Variants in RBMS2 observed in about 807,000 individuals in gnomAD.
The protein encoded by RBMS2 is RNA binding motif single stranded interacting protein 2, also known as RNA-binding motif, single-stranded-interacting protein 2.
Under a neutral mutation model 58.4 loss-of-function variants are expected in RBMS2, and 38 were observed. That is an observed-to-expected ratio of 0.65 (90% CI 0.50 to 0.85). RBMS2 has a LOEUF of 0.85. RBMS2 is among the 40% of genes least tolerant of loss of function. The probability of loss-of-function intolerance (pLI) is 0.00; values close to 1 mark genes in which losing one functional copy is unlikely to be tolerated. For synonymous variants in RBMS2, 151 were observed against 180.7 expected (o/e 0.84, Z 1.32); for missense variants, 367 against 503.7 (o/e 0.73, Z 2.60).
intron 1 of RBMS2, among the ~76,000 whole-genome samples, chr12:56,541,349 C>A (rs1411831468): frequency 1.3e-5 from 2 of 151,948 alleles, no homozygotes; most frequent in African/African-American, 4.8e-5. Flanking sequence ...AATTGATTTA[C>A]TTTAACTCAA....
intron 2 of RBMS2, among the ~76,000 whole-genome samples, chr12:56,568,132 A>G (rs1881683013): frequency 1.3e-5 from 2 of 152,242 alleles, no homozygotes; most frequent in African/African-American, 4.8e-5. Flanking sequence ...AAAAAGTGGC[A>G]GAACCAGGAT....
Position 56,581,459 on chromosome 12 carries a change from A to C in RBMS2, c.683A>C (p.Gln228Pro). The C allele has an allele frequency of 1.9e-6, 3 of 1,614,210 alleles. No individual in the cohort carries two copies. The highest frequency in any genetic ancestry group is 2.5e-6 in the Non-Finnish European group (3 of 1,180,036). ...GGCGGGCCAAAGAAACGACAGAACC[A>C]AGGAAAATTTGTGCAAAATGGACGG... ...ADGGPKKRQNQGKFVQNGRAW... is the reference protein window; with the variant it reads ...ADGGPKKRQNPGKFVQNGRAW... Residue 228 changes from glutamine to proline, a missense_variant, in exon 7 of 14, where the codon CAA becomes CCA. By Grantham distance (76) the Gln-to-Pro change is moderately conservative (BLOSUM62 -1). This residue lies in a region of RBMS2 where 220 missense variants were observed against 261.1 expected (regional missense o/e 0.84). Coordinates refer to ENST00000262031, the MANE Select transcript of RBMS2 (RefSeq NM_002898.4).
rs752079885 is a variant in RBMS2, at chr12:56,577,689, A to AT, written c.543-3485dup. 5.3e-4 allele frequency among the ~76,000 whole-genome samples: 79 copies of AT among 148,030 alleles called. No individual in the cohort carries two copies. In the Middle Eastern group the frequency reaches 0.01, roughly 20 times the overall value. ...GGGCAGCAAATTTTTTAATTTTTTA[A>AT]TTTTTTTTTTGGAGATGGAGTTTCA... On this transcript the variant is annotated intron_variant, in intron 5 of 13. Coordinates refer to ENST00000262031, the MANE Select transcript of RBMS2 (RefSeq NM_002898.4).
At chr12:56,534,478 A>G (rs1215027920) in intron 1 of RBMS2, among the ~76,000 whole-genome samples, 3 of 152,182 alleles carry the variant, frequency 2.0e-5, no homozygotes, top group Non-Finnish European at 4.4e-5. Flanking sequence ...TCCATCAACA[A>G]TGTATAAAAT....
chr12:56,522,879 A>G (rs1871986105), intron 1 of RBMS2, among the ~76,000 whole-genome samples: 1 of 152,208 alleles, frequency 6.6e-6, no homozygotes, highest in Admixed American at 6.5e-5. Context: ...GGCGCACAGC[A>G]TACTGATTAG....
rs115766925 is a variant in RBMS2, at chr12:56,556,288, T to G, written c.67-6129T>G. ...TATGCTGTAAGATACCCTATAAAAA[T>G]CTCTGGGGATCATATGATCTAAAGT... On this transcript the variant is annotated intron_variant, in intron 1 of 13. Coordinates refer to ENST00000262031, the MANE Select transcript of RBMS2 (RefSeq NM_002898.4). 7.3e-3 allele frequency among the ~76,000 whole-genome samples: 1,109 copies of G among 151,898 alleles called. 25 individuals are homozygous for G. The highest frequency in any genetic ancestry group is 0.026 in the African/African-American group (1,061 of 41,470).
rs1884192433 is a variant in RBMS2, at chr12:56,583,034, A to G, written c.873+882A>G. Among the ~76,000 whole-genome samples the G allele has an allele frequency of 2.0e-5, 3 of 152,064 alleles. No individual in the cohort carries two copies. In the South Asian group the frequency reaches 6.2e-4, roughly 32 times the overall value. ...CCTCTGCTCTAATTTTATCTTTTTT[A>G]ATGGTTGCATTATATTTCATGCTGC... On this transcript the variant is annotated intron_variant, in intron 9 of 13. Transcript: ENST00000262031.
chr12:56,523,630 C>A, intron 1 of RBMS2, among the ~76,000 whole-genome samples: 1 of 151,952 alleles, frequency 6.6e-6, no homozygotes, highest in Admixed American at 6.6e-5. Context: ...CTTGGTGGCA[C>A]GCGCCTGTAA....
intron 1 of RBMS2, among the ~76,000 whole-genome samples, chr12:56,546,362 ATATATTGTACAT>A (rs1877214054): frequency 7.2e-6 from 1 of 138,406 alleles, no homozygotes; most frequent in South Asian, 2.2e-4. Flanking sequence ...ATAATGTACA[ATATATTGTACAT>A]TATAATGTAA....
At position 56,570,000 on chromosome 12, in the gene RBMS2, C is replaced by A. The variant is rs200002082; in HGVS notation, c.384+10C>A. ...GGCACAGATGGCAAAGGTAAGGGTA[C>A]TACCCCATGTCTGTTCCTCCAAGGG... On this transcript the variant is annotated intron_variant, in intron 4 of 13. Transcript: ENST00000262031. 2 of 1,598,840 alleles carry A rather than the reference C, an allele frequency of 1.3e-6. No individual in the cohort carries two copies. The highest frequency in any genetic ancestry group is 4.5e-5 in the East Asian group (2 of 44,820).
chr12:56,590,207 A>C lies in RBMS2; in HGVS notation c.*1074A>C, dbSNP rs896829804. The C allele has an allele frequency of 2.0e-5, 3 of 152,280 alleles. No individual in the cohort carries two copies. Among genetic ancestry groups the C allele is most frequent in the African/African-American group, 7.2e-5 (3 of 41,428 alleles). The allele number at this position is 152,280 out of a possible 1,614,324, so 9.4% of individuals were successfully genotyped here. On this transcript the variant is annotated 3_prime_UTR_variant, in exon 14 of 14. Transcript: ENST00000262031. ...GAGGATATTTTCTGTCCTGGGCTTC[A>C]TGGCCCCTCTCTTCCCTGTTACACA...
chr12:56,537,896 G>A (rs1189285407), intron 1 of RBMS2, among the ~76,000 whole-genome samples: 1 of 149,306 alleles, frequency 6.7e-6, no homozygotes, highest in Non-Finnish European at 1.5e-5. Flanking sequence ...GTGTGAGGTG[G>A]TATCCCATGG....
chr12:56,532,231 C>T (rs1172341320), intron 1 of RBMS2, among the ~76,000 whole-genome samples: 1 of 144,158 alleles, frequency 6.9e-6, no homozygotes, highest in African/African-American at 2.6e-5. Context: ...AAATTGTGAA[C>T]CTATGGAGTA....
chr12:56,588,826 T>C, intron 12 of RBMS2, 106 bp from the exon 13 acceptor site: 3 of 962,508 alleles, frequency 3.1e-6, no homozygotes, highest in South Asian at 2.8e-5. Context: ...GGAGAGTGGG[T>C]AGGTTTGGGA....
intron 1 of RBMS2, among the ~76,000 whole-genome samples, chr12:56,559,171 G>A (rs1332569166): frequency 1.3e-5 from 2 of 151,216 alleles, no homozygotes; most frequent in Non-Finnish European, 3.0e-5. Flanking sequence ...CAACTCCTTA[G>A]AGATAAAGAA....
intron 1 of RBMS2, among the ~76,000 whole-genome samples, chr12:56,530,510 G>T (rs1873536619): frequency 6.6e-6 from 1 of 151,790 alleles, no homozygotes; most frequent in Admixed American, 6.6e-5. Context: ...ACTGGCTCAC[G>T]CCATCACACT....
intron 1 of RBMS2, among the ~76,000 whole-genome samples, chr12:56,522,659 T>A (rs1871942433): frequency 6.6e-6 from 1 of 152,150 alleles, no homozygotes; most frequent in Admixed American, 6.6e-5. Context: ...ACCTTGGGAT[T>A]AAGGCACAGA....
intron 1 of RBMS2, among the ~76,000 whole-genome samples, chr12:56,531,333 G>A (rs1401409031): frequency 1.3e-5 from 2 of 151,922 alleles, no homozygotes; most frequent in East Asian, 3.9e-4. Context: ...GCCTATGGTA[G>A]GCACTAAATC....
chr12:56,559,850 CAAAAAAAAA>C (rs1183186392), intron 1 of RBMS2, among the ~76,000 whole-genome samples: 25 of 47,430 alleles, frequency 5.3e-4, no homozygotes, highest in African/African-American at 1.8e-3. Flanking sequence ...GACTCTGCCT[CAAAAAAAAA>C]AAAAAAAAAA....
Sources: gnomAD v4.1 joint callset for allele counts (sites outside exome capture counted in the v4.1 genomes callset) on GRCh38, gnomAD v4.1.1 for gene constraint, gnomAD v4.1.1 regional missense constraint, MANE v1.5 for transcripts, NCBI Gene and HGNC (gene_info 2026-07-23, HGNC 2026-07-21) for gene names.